NPAS3: variants seen among roughly 807,000 people sequenced by gnomAD.
The protein encoded by NPAS3 is neuronal PAS domain protein 3, also known as neuronal PAS domain-containing protein 3.
A neutral mutation model predicts 73.1 loss-of-function variants in NPAS3; 14 were observed. The observed-to-expected ratio is 0.19, with a 90% CI of 0.13 to 0.30. The LOEUF is 0.30. Ranked by LOEUF, NPAS3 falls within the 10% of genes least tolerant of loss-of-function variation. NPAS3 has a pLI of 1.00. For synonymous variants in NPAS3, 620 were observed against 541.5 expected (o/e 1.14, Z -2.01); for missense variants, 1,096 against 1,250.0 (o/e 0.88, Z 1.86).
intron 2 of NPAS3, among the ~76,000 whole-genome samples, chr14:33,206,610 T>C (rs1333031063): frequency 1.3e-5 from 2 of 152,184 alleles, no homozygotes; most frequent in Non-Finnish European, 2.9e-5. Context: ...ATTGCTGATA[T>C]TGGCAACCAT....
At chr14:33,257,607 A>C (rs2048826015) in intron 3 of NPAS3, among the ~76,000 whole-genome samples, 1 of 152,210 alleles carries the variant, frequency 6.6e-6, no homozygotes, top group Admixed American at 6.5e-5. Flanking sequence ...GTGCCATAGG[A>C]GTAGATCACT....
chr14:33,547,521 T>G (rs563876984), intron 4 of NPAS3, among the ~76,000 whole-genome samples: 177 of 152,268 alleles, frequency 1.2e-3, no homozygotes, highest in Non-Finnish European at 2.0e-3. Flanking sequence ...CAAATACATT[T>G]AGAGTAGGAT....
At chr14:33,732,732 C>A (rs897143598) in intron 6 of NPAS3, among the ~76,000 whole-genome samples, 1 of 152,144 alleles carries the variant, frequency 6.6e-6, no homozygotes, top group East Asian at 1.9e-4. Flanking sequence ...TAACACTCCC[C>A]GCTTACACCG....
At chr14:32,945,527 G>A (rs2036214231) in intron 1 of NPAS3, among the ~76,000 whole-genome samples, 1 of 152,146 alleles carries the variant, frequency 6.6e-6, no homozygotes, top group Non-Finnish European at 1.5e-5. Context: ...CAAGGAAGGT[G>A]ATAGAGACTG....
chr14:33,361,228 T>C (rs2045585957), intron 3 of NPAS3, among the ~76,000 whole-genome samples: 1 of 152,240 alleles, frequency 6.6e-6, no homozygotes, highest in South Asian at 2.1e-4. Context: ...GAGGTCCCTG[T>C]AATTTGTTGC....
At chr14:33,746,590 T>G (rs1376579089) in intron 7 of NPAS3, among the ~76,000 whole-genome samples, 1 of 151,974 alleles carries the variant, frequency 6.6e-6, no homozygotes, top group Non-Finnish European at 1.5e-5. Context: ...TTAAGACTGT[T>G]TATATGTGTA....
intron 6 of NPAS3, among the ~76,000 whole-genome samples, chr14:33,723,714 CAAA>C (rs10577101): frequency 4.0e-4 from 57 of 143,820 alleles, no homozygotes; most frequent in Admixed American, 8.2e-4. Flanking sequence ...TACTTCCTCT[CAAA>C]AAAAAAAAAA....
chr14:33,070,754 C>G (rs1056827336), intron 2 of NPAS3, among the ~76,000 whole-genome samples: 11 of 152,180 alleles, frequency 7.2e-5, no homozygotes, highest in African/African-American at 2.7e-4. Context: ...CTAGTTACAA[C>G]TATCCAGTGA....
intron 1 of NPAS3, among the ~76,000 whole-genome samples, chr14:33,023,909 A>G (rs191992616): frequency 1.3e-5 from 2 of 152,134 alleles, no homozygotes; most frequent in Non-Finnish European, 2.9e-5. Flanking sequence ...CTTATTGAAC[A>G]TTTACTGTAT....
At chr14:33,084,597 G>C (rs1376881970) in intron 2 of NPAS3, among the ~76,000 whole-genome samples, 1 of 152,100 alleles carries the variant, frequency 6.6e-6, no homozygotes, top group Non-Finnish European at 1.5e-5. Context: ...AAATTTCCTT[G>C]ACACTCTATC....
chr14:33,460,333 T>C (rs1001478342), intron 4 of NPAS3, among the ~76,000 whole-genome samples: 10 of 152,162 alleles, frequency 6.6e-5, no homozygotes, highest in African/African-American at 2.2e-4. Context: ...CGTGAGGCAA[T>C]CCTTAGTTCA....
chr14:33,593,359 TA>T, intron 5 of NPAS3, among the ~76,000 whole-genome samples: 1 of 152,298 alleles, frequency 6.6e-6, no homozygotes, highest in Non-Finnish European at 1.5e-5. Flanking sequence ...TAACATCTTT[TA>T]AAGGCCTAAA....
At chr14:33,282,895 T>A (rs1254596084) in intron 3 of NPAS3, among the ~76,000 whole-genome samples, 1 of 152,200 alleles carries the variant, frequency 6.6e-6, no homozygotes, top group Non-Finnish European at 1.5e-5. Context: ...AAATCCATTT[T>A]AAAGTGGATG....
intron 2 of NPAS3, among the ~76,000 whole-genome samples, chr14:33,124,393 C>G (rs1019892033): frequency 8.5e-5 from 13 of 152,186 alleles, no homozygotes; most frequent in African/African-American, 2.9e-4. Flanking sequence ...CAAATTGTGA[C>G]TGTCTTTAGT....
At chr14:33,167,103 T>C (rs959917022) in intron 2 of NPAS3, among the ~76,000 whole-genome samples, 97 of 151,852 alleles carry the variant, frequency 6.4e-4, no homozygotes, top group African/African-American at 2.3e-3. Flanking sequence ...GAATAGAATT[T>C]ACAACGCTTG....
At chr14:33,658,674 T>C (rs1429534810) in intron 5 of NPAS3, among the ~76,000 whole-genome samples, 1 of 152,172 alleles carries the variant, frequency 6.6e-6, no homozygotes, top group East Asian at 1.9e-4. Context: ...TTTCCTCAAA[T>C]GACTTGCAAT....
intron 2 of NPAS3, among the ~76,000 whole-genome samples, chr14:33,115,508 A>G (rs1232864385): frequency 6.6e-6 from 1 of 152,136 alleles, no homozygotes; most frequent in Non-Finnish European, 1.5e-5. Context: ...TGGGTCACCA[A>G]CTTCTTTGGT....
chr14:33,242,387 C>G (rs1481524932), intron 3 of NPAS3, among the ~76,000 whole-genome samples: 1 of 151,968 alleles, frequency 6.6e-6, no homozygotes, highest in Non-Finnish European at 1.5e-5. Flanking sequence ...TTTTTCCCTT[C>G]CCTGAAAGTG....
chr14:33,469,640 C>T (rs1314247097), intron 4 of NPAS3, among the ~76,000 whole-genome samples: 1 of 152,034 alleles, frequency 6.6e-6, no homozygotes. Context: ...GCATGGATCC[C>T]GCCAGTTACC....
Sources: gnomAD v4.1 joint callset for allele counts (sites outside exome capture counted in the v4.1 genomes callset) on GRCh38, gnomAD v4.1.1 for gene constraint, MANE v1.5 for transcripts, NCBI Gene and HGNC (gene_info 2026-07-23, HGNC 2026-07-21) for gene names.